Variants in ZNF385C observed in about 807,000 individuals in gnomAD.
ZNF385C encodes CTD-2132N18.2.
In ZNF385C, 28 loss-of-function variants were observed where a neutral mutation model predicts 35.4. The observed-to-expected ratio is 0.79, with a 90% confidence interval of 0.59 to 1.08. The LOEUF (loss-of-function observed/expected upper bound fraction) is 1.08, where lower values mean the gene tolerates loss of function less well. ZNF385C is among the 50% of genes least tolerant of loss of function. ZNF385C has a pLI of 0.00. For missense variants in ZNF385C, 605 were observed against 595.6 expected (o/e 1.02, Z -0.16); for synonymous variants, 248 against 248.2 (o/e 1.00, Z 0.01).
chr17:42,089,385 C>G (rs1217678924), intron 1 of ZNF385C, among the ~76,000 whole-genome samples: 1 of 152,082 alleles, frequency 6.6e-6, no homozygotes, highest in Non-Finnish European at 1.5e-5. Context: ...GGGATAAAAG[C>G]TCTAAAGGCT....
chr17:42,078,227 A>C (rs1174237582), intron 1 of ZNF385C, among the ~76,000 whole-genome samples: 1 of 152,022 alleles, frequency 6.6e-6, no homozygotes, highest in East Asian at 1.9e-4. Flanking sequence ...AGGGCCAGGG[A>C]TCCCTGGCTG....
chr17:42,033,217 G>A (rs1377554103), intron 4 of ZNF385C, among the ~76,000 whole-genome samples: 5 of 152,168 alleles, frequency 3.3e-5, no homozygotes, highest in South Asian at 2.1e-4. Context: ...GCATCCAACC[G>A]AAACCCCAGA....
intron 1 of ZNF385C, among the ~76,000 whole-genome samples, chr17:42,096,369 A>G (rs1330710169): frequency 6.6e-6 from 1 of 152,180 alleles, no homozygotes; most frequent in African/African-American, 2.4e-5. Context: ...GGGGACTCAC[A>G]GTCTCATCCC....
In ZNF385C at chr17:42,026,986, G is replaced by A. The variant is rs2052594427; in HGVS notation, c.1423C>T (p.Pro475Ser). 6.2e-7 allele frequency: 1 copy of A among 1,611,448 alleles called. No homozygotes were observed. The highest frequency in any genetic ancestry group is 8.5e-7 in the Non-Finnish European group (1 of 1,178,560). The change falls in exon 9 of 9, where the codon CCG (proline) becomes TCG (serine). Residue 475 changes from proline (P) to serine (S), a missense_variant. By Grantham distance (74) the Pro-to-Ser change is moderately conservative. Transcript: ENST00000692273. The part of the protein sequence containing the change: ...PAPTAATTLF[P>S]APILGPALFR... ...AGAGCTGGGCCCAGGATGGGAGCCG[G>A]GAAGAGGGTAGTGGCTGCTGTAGGG...
intron 2 of ZNF385C, chr17:42,040,185 G>A: frequency 8.1e-7 from 1 of 1,231,572 alleles, no homozygotes; most frequent in Non-Finnish European, 1.0e-6. Context: ...TCGCTGCGAA[G>A]GCGGCCACGG....
chr17:42,091,888 G>A (rs1322090911), intron 1 of ZNF385C, among the ~76,000 whole-genome samples: 2 of 152,180 alleles, frequency 1.3e-5, no homozygotes, highest in African/African-American at 4.8e-5. Context: ...GTCTTGGTGT[G>A]TGAAGGTAGA....
At chr17:42,043,236 C>T in intron 2 of ZNF385C, 1 of 1,232,256 alleles carries the variant, frequency 8.1e-7, no homozygotes, top group Non-Finnish European at 1.0e-6. Context: ...CCTGGCGGCA[C>T]TCGAGGCAGA....
chr17:42,088,938 G>A (rs561631103), intron 1 of ZNF385C, among the ~76,000 whole-genome samples: 11 of 151,776 alleles, frequency 7.2e-5, no homozygotes, highest in East Asian at 2.0e-4. Flanking sequence ...CGATCCTCCC[G>A]CCTTGGCCTC....
At chr17:42,055,514 A>G (rs957250501) in intron 2 of ZNF385C, among the ~76,000 whole-genome samples, 6 of 152,054 alleles carry the variant, frequency 3.9e-5, no homozygotes, top group African/African-American at 1.4e-4. Flanking sequence ...TAGCAGCAGG[A>G]GGCAGAGGCA....
intron 2 of ZNF385C, among the ~76,000 whole-genome samples, chr17:42,046,688 C>T (rs929107200): frequency 6.6e-6 from 1 of 151,970 alleles, no homozygotes; most frequent in Non-Finnish European, 1.5e-5. Context: ...GAGTTCAAGA[C>T]TAGCCTGGGC....
rs567409886 is a variant in ZNF385C, at chr17:42,054,560, T to A, written c.250+8247A>T. 3.1e-4 allele frequency among the ~76,000 whole-genome samples: 47 copies of A among 150,496 alleles called. 1 individual carries two copies. Among genetic ancestry groups the A allele is most frequent in the Admixed American group, 2.5e-3 (38 of 14,910 alleles). On this transcript the variant is annotated intron_variant, in intron 2 of 8. Transcript: ENST00000692273. ...CGATGCCAGGAAGGAGAGGAGGGAG[T>A]TTATCTGATCCACTAGAACTTCTTT...
chr17:42,093,351 C>A, intron 1 of ZNF385C, among the ~76,000 whole-genome samples: 1 of 152,162 alleles, frequency 6.6e-6, no homozygotes. Flanking sequence ...TCCCAACACC[C>A]TTCCCTCAGT....
At chr17:42,030,861 A>G (rs1555654944) in intron 5 of ZNF385C, among the ~76,000 whole-genome samples, 2 of 152,042 alleles carry the variant, frequency 1.3e-5, no homozygotes, top group East Asian at 3.9e-4. Flanking sequence ...TGATGCGTCT[A>G]TAAGCCAAGG....
At chr17:42,065,595 G>C (rs1421049549) in intron 1 of ZNF385C, among the ~76,000 whole-genome samples, 5 of 152,216 alleles carry the variant, frequency 3.3e-5, no homozygotes, top group Non-Finnish European at 7.3e-5. Context: ...TGTGAGCAGT[G>C]ATCCCACATA....
intron 1 of ZNF385C, among the ~76,000 whole-genome samples, chr17:42,071,076 G>GGAGTC (rs113981443): frequency 0.32 from 47,863 of 151,788 alleles, 8,418 homozygotes; most frequent in African/African-American, 0.46. Context: ...AGGATCCAGA[G>GGAGTC]GAGTCACCTG....
In ZNF385C at chr17:42,050,243, G is replaced by A. The variant is rs1217257515; in HGVS notation, c.251-12358C>T. Among the ~76,000 whole-genome samples the A allele has an allele frequency of 2.6e-5, 4 of 152,192 alleles. No homozygotes were observed. The highest frequency in any genetic ancestry group is 9.6e-5 in the African/African-American group (4 of 41,464). On this transcript the variant is annotated intron_variant, in intron 2 of 8. Transcript: ENST00000692273. The surrounding 1 kb of genome is among the most constrained non-coding windows in gnomAD (Gnocchi z 5.6). Reference sequence around the variant, plus strand: ...CATGTGGCCCCAGAATGTGGGTCCCGAGCCTCCTCCCCGGGCTCCTGGGGG... The same window carrying A: ...CATGTGGCCCCAGAATGTGGGTCCCAAGCCTCCTCCCCGGGCTCCTGGGGG...
chr17:42,058,036 G>A (rs1378776260), intron 2 of ZNF385C, among the ~76,000 whole-genome samples: 1 of 152,118 alleles, frequency 6.6e-6, no homozygotes, highest in Non-Finnish European at 1.5e-5. Context: ...GGAGGGAGAC[G>A]AAGTGTGGGT....
intron 2 of ZNF385C, among the ~76,000 whole-genome samples, chr17:42,047,236 G>C (rs1368024062): frequency 6.6e-6 from 1 of 152,128 alleles, no homozygotes; most frequent in African/African-American, 2.4e-5. Flanking sequence ...GTTTCACCAT[G>C]TTAGCCAGGA....
intron 3 of ZNF385C, among the ~76,000 whole-genome samples, chr17:42,036,419 G>C (rs1045999581): frequency 6.6e-6 from 1 of 152,024 alleles, no homozygotes; most frequent in Non-Finnish European, 1.5e-5. Context: ...CAGGCTGGGC[G>C]TGGTGGCTCA....
Sources: allele counts gnomAD v4.1 joint callset (sites outside exome capture counted in the v4.1 genomes callset), GRCh38; gene constraint gnomAD v4.1.1; non-coding constraint Gnocchi (gnomAD v3.1); transcripts MANE v1.5; gene names NCBI Gene and HGNC (gene_info 2026-07-23, HGNC 2026-07-21).